Variants in MINDY3 observed in about 807,000 individuals in gnomAD.
MINDY3 encodes MINDY lysine 48 deubiquitinase 3.
In MINDY3, 38 loss-of-function variants were observed where a neutral mutation model predicts 69.2. The observed-to-expected ratio is 0.55, with a 90% CI of 0.42 to 0.72. The LOEUF (loss-of-function observed/expected upper bound fraction) is 0.72. Ranked by LOEUF, MINDY3 falls within the 30% of genes least tolerant of loss-of-function variation. MINDY3 has a pLI of 0.00. For synonymous variants in MINDY3, 192 were observed against 180.1 expected (o/e 1.07, Z -0.53); for missense variants, 522 against 519.0 (o/e 1.01, Z -0.06).
At chr10:15,784,215 A>C (rs1289966513) in intron 13 of MINDY3, among the ~76,000 whole-genome samples, 1 of 152,182 alleles carries the variant, frequency 6.6e-6, no homozygotes, top group African/African-American at 2.4e-5. Flanking sequence ...CCTGATGGAG[A>C]GTATGTGCTT....
At position 15,843,827 on chromosome 10, in the gene MINDY3, T is replaced by C. The variant is rs531976755; in HGVS notation, c.175-555A>G. 9.2e-5 allele frequency among the ~76,000 whole-genome samples: 14 copies of C among 152,216 alleles called. No homozygotes were observed. In the South Asian group the frequency reaches 2.3e-3, roughly 25 times the overall value. On this transcript the variant is annotated intron_variant, in intron 2 of 14. Transcript: ENST00000277632. ...CCTTAAGCGAGTCAACGATGTTACA[T>C]TGGTTATTTGATAAAAAGCTGCACA... is the stretch of plus-strand genomic sequence containing the variant.
chr10:15,807,654 A>C (rs906997240), intron 10 of MINDY3, among the ~76,000 whole-genome samples: 3 of 152,140 alleles, frequency 2.0e-5, no homozygotes, highest in African/African-American at 7.2e-5. Context: ...TCCTAACAGA[A>C]TACTTCTAGG....
chr10:15,847,583 G>C (rs2132115345), intron 2 of MINDY3, among the ~76,000 whole-genome samples: 1 of 152,182 alleles, frequency 6.6e-6, no homozygotes, highest in South Asian at 2.1e-4. Flanking sequence ...TAGGATCTCT[G>C]TGTTAAAGAA....
intron 1 of MINDY3, among the ~76,000 whole-genome samples, chr10:15,848,416 C>T (rs76561133): frequency 1.3e-5 from 2 of 151,758 alleles, no homozygotes; most frequent in Non-Finnish European, 2.9e-5. Context: ...GGGCGGATCA[C>T]GAGGTCAGGA....
intron 1 of MINDY3, among the ~76,000 whole-genome samples, chr10:15,849,490 G>C (rs559905268): frequency 6.6e-6 from 1 of 151,612 alleles, no homozygotes; most frequent in East Asian, 1.9e-4. Flanking sequence ...AAGAGAAGCA[G>C]GAAGAAGTTG....
intron 3 of MINDY3, 67 bp from the exon 4 acceptor site, chr10:15,841,666 A>G: frequency 9.7e-7 from 1 of 1,034,604 alleles, no homozygotes. Flanking sequence ...GTCATGAATA[A>G]CAATAGTAAG....
At chr10:15,833,943 A>G (rs1038909479) in intron 7 of MINDY3, among the ~76,000 whole-genome samples, 1 of 152,036 alleles carries the variant, frequency 6.6e-6, no homozygotes, top group Non-Finnish European at 1.5e-5. Context: ...TAACAACTTT[A>G]TCTAAGATAT....
chr10:15,809,193 A>G (rs1838833839), intron 10 of MINDY3, among the ~76,000 whole-genome samples: 2 of 152,182 alleles, frequency 1.3e-5, no homozygotes, highest in African/African-American at 4.8e-5. Context: ...ATGGTTAGGG[A>G]GAAAATAGAG....
intron 10 of MINDY3, 106 bp from the exon 11 acceptor site, chr10:15,796,278 T>C (rs919882801): frequency 9.7e-6 from 8 of 826,850 alleles, no homozygotes; most frequent in Non-Finnish European, 1.6e-5. Flanking sequence ...TCAGAAGACT[T>C]TGAGTTACAT....
chr10:15,856,007 G>T (rs1036807587), intron 1 of MINDY3, among the ~76,000 whole-genome samples: 2 of 151,986 alleles, frequency 1.3e-5, no homozygotes, highest in African/African-American at 4.8e-5. Context: ...AGAAATATTG[G>T]TTGTTAGGCA....
intron 10 of MINDY3, among the ~76,000 whole-genome samples, chr10:15,814,804 T>C (rs1332748447): frequency 6.6e-6 from 1 of 151,340 alleles, no homozygotes; most frequent in Non-Finnish European, 1.5e-5. Flanking sequence ...TCAGGACAGG[T>C]AGGAAGAGTG....
intron 10 of MINDY3, among the ~76,000 whole-genome samples, chr10:15,814,275 G>C (rs1403766976): frequency 6.6e-6 from 1 of 151,878 alleles, no homozygotes; most frequent in Non-Finnish European, 1.5e-5. Context: ...ACTCTTCACT[G>C]GGAACTCCTC....
At chr10:15,814,470 C>T (rs565713249) in intron 10 of MINDY3, among the ~76,000 whole-genome samples, 63 of 151,604 alleles carry the variant, frequency 4.2e-4, no homozygotes, top group African/African-American at 1.5e-3. Context: ...CCCCCCACCC[C>T]TAGTGTGCCA....
chr10:15,797,412 C>T (rs1349308074), intron 10 of MINDY3, among the ~76,000 whole-genome samples: 3 of 152,160 alleles, frequency 2.0e-5, no homozygotes, highest in African/African-American at 7.2e-5. Context: ...TCACCCTTCA[C>T]TGCATTTCCA....
chr10:15,782,040 G>C, intron 14 of MINDY3, 115 bp downstream of exon 14: 1 of 774,908 alleles, frequency 1.3e-6, no homozygotes. Flanking sequence ...TCATAGTAAA[G>C]AGACTCCTGG....
intron 10 of MINDY3, among the ~76,000 whole-genome samples, chr10:15,797,135 C>T (rs745448647): frequency 1.3e-5 from 2 of 152,038 alleles, no homozygotes; most frequent in Non-Finnish European, 2.9e-5. Flanking sequence ...TCTAATATCT[C>T]ACCTTTACTC....
intron 11 of MINDY3, among the ~76,000 whole-genome samples, chr10:15,790,764 C>A (rs1056775923): frequency 3.9e-5 from 6 of 152,112 alleles, no homozygotes; most frequent in Admixed American, 3.3e-4. Context: ...CATCCCTGAT[C>A]TGGTCCAAAA....
Position 15,778,768 on chromosome 10 carries a change from T to C in MINDY3, c.*224A>G. ...GTGATGAACTTTGATGAAAGCTTAA[T>C]TTTGCTAGTAAATTTCACACGAAGG... is the stretch of plus-strand genomic sequence containing the variant. On this transcript the variant is annotated 3_prime_UTR_variant, in exon 15 of 15. Transcript: ENST00000277632. The C allele has an allele frequency of 5.1e-6, 2 of 394,498 alleles. No individual in the cohort carries two copies. Among genetic ancestry groups the C allele is most frequent in the South Asian group, 1.3e-4 (2 of 15,892 alleles). The allele number at this position is 394,498 out of a possible 1,614,324, so 24.4% of individuals were successfully genotyped here.
chr10:15,825,494 A>G (rs1009608873), intron 8 of MINDY3, among the ~76,000 whole-genome samples: 3 of 152,192 alleles, frequency 2.0e-5, no homozygotes, highest in Non-Finnish European at 4.4e-5. Flanking sequence ...AAAAGGCACA[A>G]GCCAATACAC....
Sources: allele counts gnomAD v4.1 joint callset (sites outside exome capture counted in the v4.1 genomes callset), GRCh38; gene constraint gnomAD v4.1.1; transcripts MANE v1.5; gene names NCBI Gene and HGNC (gene_info 2026-07-23, HGNC 2026-07-21).